The following MIA2 variants were observed in gnomAD, a reference collection of about 807,000 sequenced individuals.
The protein encoded by MIA2 is MIA SH3 domain ER export factor 2.
In MIA2, 127 loss-of-function variants were observed where a neutral mutation model predicts 167.8. That is an observed-to-expected ratio of 0.76 (90% CI 0.66 to 0.88). The LOEUF (loss-of-function observed/expected upper bound fraction) is 0.88. MIA2 is among the 40% of genes least tolerant of loss of function. The probability of loss-of-function intolerance (pLI) is 0.00; values close to 1 mark genes in which losing one functional copy is unlikely to be tolerated. For synonymous variants in MIA2, 552 were observed against 541.9 expected (o/e 1.02, Z -0.26); for missense variants, 1,690 against 1,624.7 (o/e 1.04, Z -0.69).
At chr14:39,275,058 G>C (rs1420875614) in intron 6 of MIA2, among the ~76,000 whole-genome samples, 1 of 142,292 alleles carries the variant, frequency 7.0e-6, no homozygotes, top group African/African-American at 2.6e-5. Flanking sequence ...CTCGGCAACA[G>C]AGTGAGACTC....
chr14:39,299,903 G>A lies in MIA2; in HGVS notation c.2536G>A (p.Glu846Lys). 1.9e-6 allele frequency: 3 copies of A among 1,608,684 alleles called. No homozygotes were observed. The highest frequency in any genetic ancestry group is 2.5e-6 in the Non-Finnish European group (3 of 1,178,600). ...TGAAGTATGGAAAGAACAAGTGAGTGAACTTAATAAACAGAAAGTAACATT... is the reference window on the plus strand; with the variant it reads ...TGAAGTATGGAAAGAACAAGTGAGTAAACTTAATAAACAGAAAGTAACATT... Reference protein sequence around the residue: ...EAEVWKEQVSELNKQKVTFED... With the variant: ...EAEVWKEQVSKLNKQKVTFED... Residue 846 changes from glutamate (E) to lysine (K), a missense_variant, in exon 14 of 29, where the codon GAA (glutamate) becomes AAA (lysine). By Grantham distance (56) the Glu-to-Lys change is moderately conservative. Coordinates refer to ENST00000640607, the MANE Select transcript of MIA2 (RefSeq NM_001329214.4).
At chr14:39,341,922 C>CT (rs1428462290) in intron 25 of MIA2, among the ~76,000 whole-genome samples, 3 of 152,046 alleles carry the variant, frequency 2.0e-5, no homozygotes, top group Non-Finnish European at 1.5e-5. Context: ...TTCTAACACT[C>CT]TTAAGAGTGT....
At position 39,258,760 on chromosome 14, in the gene MIA2, T is replaced by G. The variant is rs143512689; in HGVS notation, c.1887+5589T>G. Among the ~76,000 whole-genome samples, 1,173 of 152,318 alleles carry G rather than the reference T, an allele frequency of 7.7e-3. 14 individuals are homozygous for G. Among genetic ancestry groups the G allele is most frequent in the African/African-American group, 0.026 (1,070 of 41,582 alleles). ...ATCTTTGAGGCTGGTGACCTTTGGA[T>G]GGGGTTTTTGTGTGGGGGTCCTTTA... On this transcript the variant is annotated intron_variant, in intron 6 of 28. Coordinates refer to ENST00000640607, the MANE Select transcript of MIA2 (RefSeq NM_001329214.4).
chr14:39,238,193 G>A (rs1344156538), intron 2 of MIA2, among the ~76,000 whole-genome samples: 1 of 119,138 alleles, frequency 8.4e-6, no homozygotes, highest in Non-Finnish European at 1.8e-5. Flanking sequence ...TTTTTTTATT[G>A]AGACAGAGTC....
At chr14:39,374,276 T>A (rs1158180961) in intron 23 of MIA2, among the ~76,000 whole-genome samples, 1 of 152,052 alleles carries the variant, frequency 6.6e-6, no homozygotes, top group Non-Finnish European at 1.5e-5. Flanking sequence ...TAAAAGTAGA[T>A]CTATACCTAA....
At chr14:39,287,822 A>C (rs747733527) in intron 9 of MIA2, among the ~76,000 whole-genome samples, 4 of 151,912 alleles carry the variant, frequency 2.6e-5, no homozygotes, top group Admixed American at 6.6e-5. Flanking sequence ...CGGCCTCCCA[A>C]AGTGCTGGGA....
At chr14:39,270,561 C>T (rs1200296398) in intron 6 of MIA2, among the ~76,000 whole-genome samples, 1 of 151,904 alleles carries the variant, frequency 6.6e-6, no homozygotes, top group Non-Finnish European at 1.5e-5. Context: ...TGGGGTCTTG[C>T]TTTGTTGCCC....
chr14:39,245,495 G>T (rs2054258430), intron 3 of MIA2, among the ~76,000 whole-genome samples: 1 of 152,174 alleles, frequency 6.6e-6, no homozygotes, highest in Non-Finnish European at 1.5e-5. Flanking sequence ...CTGCAGGTTG[G>T]ACAAGCTTGC....
intron 25 of MIA2, among the ~76,000 whole-genome samples, chr14:39,336,058 G>A (rs535175184): frequency 2.0e-5 from 3 of 152,164 alleles, no homozygotes; most frequent in Non-Finnish European, 4.4e-5. Flanking sequence ...ATAGTGTTAC[G>A]ATAAACATGA....
rs536986615 is a variant in MIA2 at position 39,246,294 on chromosome 14, G to A, written c.337-617G>A. Among the ~76,000 whole-genome samples, 294 of 151,880 alleles carry A rather than the reference G, an allele frequency of 1.9e-3. 1 individual carries two copies. Among genetic ancestry groups the A allele is most frequent in the South Asian group, 2.9e-3 (14 of 4,810 alleles). On this transcript the variant is annotated intron_variant, in intron 3 of 28. Coordinates refer to ENST00000640607, the MANE Select transcript of MIA2 (RefSeq NM_001329214.4). ...GTATTTTTTAGTAGAGATGGGTTTCGCCATGTTGGCCAGGCTGGTCTCGAA... is the reference window on the plus strand; with the variant it reads ...GTATTTTTTAGTAGAGATGGGTTTCACCATGTTGGCCAGGCTGGTCTCGAA...
At chr14:39,293,450 T>C (rs1236627247) in intron 11 of MIA2, 69 bp downstream of exon 11, 1 of 1,054,094 alleles carries the variant, frequency 9.5e-7, no homozygotes, top group Non-Finnish European at 1.4e-6. Flanking sequence ...ATTAATATGA[T>C]ACTGGTTAAA....
intron 6 of MIA2, among the ~76,000 whole-genome samples, chr14:39,275,216 C>G (rs1680214296): frequency 7.0e-6 from 1 of 142,018 alleles, no homozygotes; most frequent in South Asian, 2.2e-4. Flanking sequence ...GTGGTGCGAT[C>G]TGCAGCCTTT....
chr14:39,313,434 A>G lies in MIA2; in HGVS notation c.3112A>G (p.Thr1038Ala), dbSNP rs200497710. 48 of 1,572,686 alleles carry G rather than the reference A, an allele frequency of 3.1e-5. No homozygotes were observed. The highest frequency in any genetic ancestry group is 1.7e-4 in the Middle Eastern group (1 of 5,986). The change falls in exon 19 of 29, where the codon ACC (threonine) becomes GCC (alanine). Residue 1038 changes from threonine (T) to alanine (A), a missense_variant. Thr to Ala is a moderately conservative substitution (Grantham distance 58). Transcript: ENST00000640607. Reference protein sequence around the residue: ...KISHATEELETYRKRAKDLEE... With the variant: ...KISHATEELEAYRKRAKDLEE... Reference sequence around the variant, plus strand: ...CAGCCATGCCACTGAAGAGCTGGAGACCTATAGGTATTAAATACATTTTTC... The same window carrying G: ...CAGCCATGCCACTGAAGAGCTGGAGGCCTATAGGTATTAAATACATTTTTC...
chr14:39,300,017 G>C (rs754585919), intron 14 of MIA2, 31 bp downstream of exon 14: 2 of 1,575,074 alleles, frequency 1.3e-6, no homozygotes, highest in Non-Finnish European at 1.7e-6. Context: ...TAGTGATCAA[G>C]TTGGCTAGAA....
At chr14:39,304,435 G>T (rs2274398) in intron 17 of MIA2, 54 bp downstream of exon 17, 868,961 of 957,108 alleles carry the variant, frequency 0.91, 395,819 homozygotes, top group East Asian at 0.97. Context: ...TACATCTCTT[G>T]GCAGAGAATG....
intron 4 of MIA2, among the ~76,000 whole-genome samples, chr14:39,250,320 C>A (rs886972704): frequency 1.3e-5 from 2 of 152,180 alleles, no homozygotes; most frequent in Non-Finnish European, 2.9e-5. Context: ...ATAGTCCCAG[C>A]TACTTGGGAG....
At chr14:39,277,128 G>A in intron 7 of MIA2, 63 bp downstream of exon 7, 3 of 1,523,982 alleles carry the variant, frequency 2.0e-6, no homozygotes, top group East Asian at 2.3e-5. Flanking sequence ...CAAATAATAT[G>A]AGAAACATAT....
intron 24 of MIA2, among the ~76,000 whole-genome samples, chr14:39,322,123 TATCATG>T (rs1188862131): frequency 6.6e-6 from 1 of 152,196 alleles, no homozygotes; most frequent in African/African-American, 2.4e-5. Flanking sequence ...TTTACATTAG[TATCATG>T]ATCTTTTTAT....
intron 23 of MIA2, 139 bp from the exon 24 acceptor site, chr14:39,320,789 C>G: frequency 2.4e-6 from 2 of 839,508 alleles, no homozygotes; most frequent in South Asian, 1.9e-5. Context: ...TTAGCAAAAT[C>G]AAAGGATACA....
Sources: allele counts gnomAD v4.1 joint callset (sites outside exome capture counted in the v4.1 genomes callset), GRCh38; gene constraint gnomAD v4.1.1; transcripts MANE v1.5; gene names NCBI Gene and HGNC (gene_info 2026-07-23, HGNC 2026-07-21).